The following RELB variants were observed in gnomAD, a reference collection of about 807,000 sequenced individuals.
RELB encodes the protein transcription factor RelB.
In RELB, 14 loss-of-function variants were observed where a neutral mutation model predicts 55.4. The observed-to-expected ratio is 0.25, with a 90% CI of 0.17 to 0.40. The LOEUF (loss-of-function observed/expected upper bound fraction) is 0.40. Ranked by LOEUF, RELB falls within the 10% of genes least tolerant of loss-of-function variation. The probability of loss-of-function intolerance (pLI) is 1.00; values close to 1 mark genes in which losing one functional copy is unlikely to be tolerated. For synonymous variants in RELB, 409 were observed against 371.3 expected (o/e 1.10, Z -1.17); for missense variants, 669 against 830.7 (o/e 0.81, Z 2.39).
chr19:45,023,765 T>TC (rs1971521648), intron 5 of RELB, among the ~76,000 whole-genome samples: 1 of 123,460 alleles, frequency 8.1e-6, no homozygotes, highest in Non-Finnish European at 1.7e-5. Flanking sequence ...TTTTTTTTTT[T>TC]TTTGAGACCG....
At chr19:45,023,430 T>TTCCTTCCTTCCTTCCG (rs1238568053) in intron 5 of RELB, among the ~76,000 whole-genome samples, 8 of 151,228 alleles carry the variant, frequency 5.3e-5, no homozygotes, top group Non-Finnish European at 3.0e-5. Flanking sequence ...CCTTCCTTCC[T>TTCCTTCCTTCCTTCCG]TCCGTCCTTC....
intron 6 of RELB, 87 bp from the exon 7 acceptor site, chr19:45,025,519 C>T: frequency 1.9e-6 from 3 of 1,580,902 alleles, no homozygotes; most frequent in East Asian, 2.3e-5. Context: ...CCACCGTCTC[C>T]TCCAGCCCCA....
At chr19:45,030,682 C>T (rs564753495) in intron 8 of RELB, among the ~76,000 whole-genome samples, 75 of 151,488 alleles carry the variant, frequency 5.0e-4, no homozygotes, top group African/African-American at 1.8e-3. Context: ...CCTGTAGTCC[C>T]AGCACTTGGG....
intron 4 of RELB, among the ~76,000 whole-genome samples, chr19:45,021,212 G>A (rs540020177): frequency 6.6e-6 from 1 of 151,914 alleles, no homozygotes; most frequent in Non-Finnish European, 1.5e-5. Flanking sequence ...GGTGACTCAC[G>A]CCTGTAATCC....
chr19:45,006,229 G>C (rs1185215621), intron 2 of RELB, among the ~76,000 whole-genome samples: 2 of 152,140 alleles, frequency 1.3e-5, no homozygotes, highest in East Asian at 1.9e-4. Context: ...TTTGGAGGCA[G>C]AGTCTCATTC....
chr19:45,007,369 G>A (rs143600518), intron 2 of RELB, among the ~76,000 whole-genome samples: 96 of 152,298 alleles, frequency 6.3e-4, no homozygotes, highest in Non-Finnish European at 1.2e-3. Context: ...GGAAGATGTC[G>A]CGTGGTCAGA....
At chr19:45,032,841 T>C in intron 9 of RELB, 92 bp downstream of exon 9, 4 of 1,033,850 alleles carry the variant, frequency 3.9e-6, no homozygotes, top group Non-Finnish European at 5.7e-6. Flanking sequence ...GAGGCAGAAC[T>C]AGAATGCAGG....
intron 9 of RELB, among the ~76,000 whole-genome samples, chr19:45,033,733 G>A (rs1048165308): frequency 1.3e-5 from 2 of 150,620 alleles, no homozygotes; most frequent in Non-Finnish European, 3.0e-5. Flanking sequence ...AGTAGAGACC[G>A]GGTTTCGCCG....
chr19:45,029,794 G>A (rs1971599460), intron 8 of RELB, among the ~76,000 whole-genome samples: 1 of 151,968 alleles, frequency 6.6e-6, no homozygotes, highest in African/African-American at 2.4e-5. Context: ...AGGTTTCAGT[G>A]AGCCGAGATC....
At chr19:45,010,356 C>A (rs977455046) in intron 3 of RELB, among the ~76,000 whole-genome samples, 1 of 93,698 alleles carries the variant, frequency 1.1e-5, no homozygotes, top group Admixed American at 9.9e-5. Context: ...TATTAATCCC[C>A]TAGTGAGTAC....
At chr19:45,003,715 C>G in intron 2 of RELB, 1 of 465,430 alleles carries the variant, frequency 2.1e-6, no homozygotes, top group South Asian at 1.6e-5. Context: ...AACAGTGCCT[C>G]TCTTTCAGGG....
chr19:45,019,779 G>A (rs1243036717), intron 4 of RELB, among the ~76,000 whole-genome samples: 1 of 152,090 alleles, frequency 6.6e-6, no homozygotes, highest in Non-Finnish European at 1.5e-5. Flanking sequence ...CAGGGTTCAA[G>A]TGATTCTCCT....
chr19:45,034,104 A>G, intron 9 of RELB, 140 bp from the exon 10 acceptor site: 1 of 547,642 alleles, frequency 1.8e-6, no homozygotes, highest in South Asian at 2.7e-5. Flanking sequence ...GGTTGCAGTG[A>G]GCCAAGACCG....
chr19:45,011,214 G>A (rs28809016), intron 3 of RELB, among the ~76,000 whole-genome samples: 15,418 of 151,468 alleles, frequency 0.1, 1,622 homozygotes, highest in African/African-American at 0.27. Context: ...GCAGGATGGA[G>A]TGCAGTGACG....
intron 4 of RELB, among the ~76,000 whole-genome samples, chr19:45,016,003 A>ATT (rs201077222): frequency 2.7e-5 from 4 of 149,774 alleles, no homozygotes; most frequent in Non-Finnish European, 3.0e-5. Flanking sequence ...TTATTTTATT[A>ATT]TTATTTTTTT....
At chr19:45,009,941 G>A (rs1671856180) in intron 3 of RELB, 119 bp downstream of exon 3, 1 of 1,023,836 alleles carries the variant, frequency 9.8e-7, no homozygotes, top group South Asian at 1.3e-5. Context: ...TGACTTCCAG[G>A]ACTGTGGAGG....
chr19:45,031,609 T>C (rs145423839), intron 8 of RELB, among the ~76,000 whole-genome samples: 1 of 152,220 alleles, frequency 6.6e-6, no homozygotes, highest in East Asian at 1.9e-4. Flanking sequence ...GGAGTCTTGC[T>C]CTGTCCCCCA....
At chr19:45,029,026 C>T (rs755412066) in intron 8 of RELB, 34 bp downstream of exon 8, 11 of 1,476,318 alleles carry the variant, frequency 7.5e-6, no homozygotes, top group East Asian at 2.4e-5. Context: ...TTGGGCAGAG[C>T]GGGGTCTGGC....
intron 6 of RELB, 32 bp downstream of exon 6, chr19:45,025,452 G>T (rs374708105): frequency 5.7e-6 from 9 of 1,590,916 alleles, no homozygotes; most frequent in African/African-American, 5.4e-5. Flanking sequence ...TGACCATCCC[G>T]TCCTCCCAAA....
Sources: gnomAD v4.1 joint callset for allele counts (sites outside exome capture counted in the v4.1 genomes callset) on GRCh38, gnomAD v4.1.1 for gene constraint, MANE v1.5 for transcripts, NCBI Gene and HGNC (gene_info 2026-07-23, HGNC 2026-07-21) for gene names.